KSR2: variants seen among roughly 807,000 people sequenced by gnomAD.
KSR2 encodes the protein kinase suppressor of ras 2.
KSR2 carries 25 observed loss-of-function variants against 107.8 expected under a neutral mutation model. That is an observed-to-expected ratio of 0.23 (90% confidence interval 0.17 to 0.32). KSR2 has a LOEUF of 0.32. Ranked by LOEUF, KSR2 falls within the 10% of genes least tolerant of loss-of-function variation. The pLI, the probability that KSR2 is intolerant of heterozygous loss-of-function variation, is 1.00. For synonymous variants in KSR2, 480 were observed against 507.0 expected, an observed-to-expected ratio of 0.95 and a Z score of 0.71; for missense variants, 887 against 1,268.9, an observed-to-expected ratio of 0.70 and a Z score of 4.57.
chr12:117,756,836 C>T (rs1888810187), intron 4 of KSR2, among the ~76,000 whole-genome samples: 1 of 152,114 alleles, frequency 6.6e-6, no homozygotes, highest in Non-Finnish European at 1.5e-5. Context: ...GGGTGGATCA[C>T]CTGAGGTCAG....
At chr12:117,732,840 C>A (rs554287869) in intron 4 of KSR2, among the ~76,000 whole-genome samples, 17 of 152,148 alleles carry the variant, frequency 1.1e-4, no homozygotes, top group African/African-American at 3.4e-4. Context: ...TGAGTCCTAA[C>A]GGGGTCCATC....
chr12:117,592,817 G>A (rs888380412), intron 5 of KSR2, among the ~76,000 whole-genome samples: 4 of 152,180 alleles, frequency 2.6e-5, no homozygotes, highest in Non-Finnish European at 4.4e-5. Flanking sequence ...AGGTCGGGTA[G>A]GGCAAGGGGT....
At chr12:117,567,921 T>C (rs1878627410) in intron 7 of KSR2, among the ~76,000 whole-genome samples, 1 of 151,582 alleles carries the variant, frequency 6.6e-6, no homozygotes, top group Admixed American at 6.6e-5. Flanking sequence ...CCAGTGCTTC[T>C]AGAAATGCCT....
intron 19 of KSR2, chr12:117,467,830 A>AT (rs1436779920): frequency 5.9e-6 from 2 of 338,086 alleles, no homozygotes; most frequent in African/African-American, 4.8e-5. Flanking sequence ...CATAGGCTGA[A>AT]TAAAAAAAAA....
intron 1 of KSR2, among the ~76,000 whole-genome samples, chr12:117,951,217 G>C (rs1377575901): frequency 2.6e-5 from 4 of 152,062 alleles, no homozygotes; most frequent in Non-Finnish European, 4.4e-5. Flanking sequence ...GGCAACCAGT[G>C]GTTCTTCTAA....
At chr12:117,500,173 G>A (rs1051112372) in intron 14 of KSR2, among the ~76,000 whole-genome samples, 1 of 152,220 alleles carries the variant, frequency 6.6e-6, no homozygotes, top group East Asian at 1.9e-4. Flanking sequence ...TTTGAACTCA[G>A]GTTGTAGACT....
At chr12:117,855,609 G>C in intron 2 of KSR2, 31 bp from the exon 3 acceptor site, 1 of 1,612,250 alleles carries the variant, frequency 6.2e-7, no homozygotes, top group Non-Finnish European at 8.5e-7. Flanking sequence ...TGTCAACCGT[G>C]GGGCAGGAAC....
intron 1 of KSR2, among the ~76,000 whole-genome samples, chr12:117,880,000 G>T (rs527265603): frequency 6.6e-6 from 1 of 152,248 alleles, no homozygotes; most frequent in African/African-American, 2.4e-5. Context: ...TACAAAATTA[G>T]CCAGGCATGG....
At chr12:117,624,730 G>T (rs1214141805) in intron 5 of KSR2, among the ~76,000 whole-genome samples, 3 of 152,156 alleles carry the variant, frequency 2.0e-5, no homozygotes, top group Non-Finnish European at 2.9e-5. Context: ...CCTTAAAGTA[G>T]TTTTTTCCAA....
rs1555262348 is a variant in KSR2 at position 117,968,308 on chromosome 12, G to GGA, written c.-54_-53insTC. ...CTCCTCCTCCCAGAGAGAAAAAAGA[G>GGA]GGGGGGGAGTAGAGGTAGTCTACCC... On this transcript the variant is annotated 5_prime_UTR_variant, in exon 1 of 20. Coordinates refer to ENST00000339824, the MANE Select transcript of KSR2 (RefSeq NM_173598.6). 10 of 1,453,218 alleles carry GGA rather than the reference G, an allele frequency of 6.9e-6. 2 individuals are homozygous for GGA. The highest frequency in any genetic ancestry group is 9.0e-6 in the Non-Finnish European group (10 of 1,109,038). The allele number at this position is 1,453,218 out of a possible 1,614,324, so 90.0% of individuals were successfully genotyped here. A position where few individuals can be genotyped will look rare whatever the true frequency, so the allele number is the denominator to read the frequency against.
intron 4 of KSR2, among the ~76,000 whole-genome samples, chr12:117,753,663 A>C (rs1888685691): frequency 6.6e-6 from 1 of 152,100 alleles, no homozygotes; most frequent in Admixed American, 6.5e-5. Context: ...GGCCTTCCGG[A>C]GGGTAGACGG....
intron 1 of KSR2, among the ~76,000 whole-genome samples, chr12:117,952,166 C>A (rs1009285546): frequency 1.3e-5 from 2 of 151,016 alleles, no homozygotes; most frequent in Non-Finnish European, 2.9e-5. Context: ...CACACACACA[C>A]ACACACACAC....
intron 1 of KSR2, among the ~76,000 whole-genome samples, chr12:117,924,496 C>A (rs1209722716): frequency 7.1e-6 from 1 of 140,540 alleles, no homozygotes; most frequent in Non-Finnish European, 1.5e-5. Context: ...CACTTGAACC[C>A]GGGAAGCAGA....
chr12:117,735,278 T>C (rs937763732), intron 4 of KSR2, among the ~76,000 whole-genome samples: 2 of 152,174 alleles, frequency 1.3e-5, no homozygotes, highest in Admixed American at 6.5e-5. Flanking sequence ...CTTTCTGTTT[T>C]CCAGAAATGA....
chr12:117,623,632 A>T (rs377096603), intron 5 of KSR2, among the ~76,000 whole-genome samples: 2 of 152,186 alleles, frequency 1.3e-5, no homozygotes, highest in African/African-American at 4.8e-5. Context: ...TCTATCATTG[A>T]TGGACATTTG....
intron 16 of KSR2, among the ~76,000 whole-genome samples, chr12:117,483,501 T>TA (rs146456685): frequency 0.029 from 4,411 of 151,974 alleles, 195 homozygotes; most frequent in African/African-American, 0.096. Flanking sequence ...TGCAGGATTA[T>TA]AAAAAACATG....
chr12:117,890,234 GA>G (rs1894299033), intron 1 of KSR2, among the ~76,000 whole-genome samples: 1 of 152,184 alleles, frequency 6.6e-6, no homozygotes, highest in African/African-American at 2.4e-5. Context: ...GGCTCTGAAG[GA>G]AGAGAAGTGT....
intron 4 of KSR2, among the ~76,000 whole-genome samples, chr12:117,731,321 CGTCTG>C (rs1441150817): frequency 0.022 from 3,288 of 150,122 alleles, 263 homozygotes; most frequent in African/African-American, 0.037. Context: ...GCAGCCGCCC[CGTCTG>C]AGAAGTGAGG....
chr12:117,515,166 C>T lies in KSR2; in HGVS notation c.2219+9686G>A, dbSNP rs1874288415. Among the ~76,000 whole-genome samples, 3 of 152,202 alleles carry T rather than the reference C, an allele frequency of 2.0e-5. No individual in the cohort carries two copies. In the South Asian group the frequency reaches 6.2e-4, roughly 32 times the overall value. On this transcript the variant is annotated intron_variant, in intron 14 of 19. Coordinates refer to ENST00000339824, the MANE Select transcript of KSR2 (RefSeq NM_173598.6). Reference sequence around the variant, plus strand: ...TCCTCTCTCTATTTCCATCATCAGGCACTGGACCCTATACACAGTAAGTGA... The same window carrying T: ...TCCTCTCTCTATTTCCATCATCAGGTACTGGACCCTATACACAGTAAGTGA...
Sources: gnomAD v4.1 joint callset for allele counts (sites outside exome capture counted in the v4.1 genomes callset) on GRCh38, gnomAD v4.1.1 for gene constraint, MANE v1.5 for transcripts, NCBI Gene and HGNC (gene_info 2026-07-23, HGNC 2026-07-21) for gene names.